The following MYH10 variants were observed in gnomAD, a reference collection of about 807,000 sequenced individuals.
MYH10 encodes myosin-10.
In MYH10, 55 loss-of-function variants were observed where a neutral mutation model predicts 257.8. The ratio of observed to expected loss-of-function variants is 0.21; its 90% CI spans 0.17 to 0.27. The LOEUF is 0.27. Among genes scored for constraint, MYH10 ranks in the 10% least tolerant of loss-of-function variants. MYH10 has a pLI of 1.00. For missense variants in MYH10, 1,631 were observed against 2,500.6 expected, an observed-to-expected ratio of 0.65 and a Z score of 7.42; for synonymous variants, 854 against 921.7, an observed-to-expected ratio of 0.93 and a Z score of 1.33.
At position 8,504,698 on chromosome 17, in the gene MYH10, G is replaced by A. The variant is rs772149998; in HGVS notation, c.3595C>T (p.Leu1199=). 5 of 1,613,884 alleles carry A rather than the reference G, an allele frequency of 3.1e-6. No individual in the cohort carries two copies. In the South Asian group the frequency reaches 4.4e-5, roughly 14 times the overall value. The change falls in exon 28 of 43, where the codon CTA becomes TTA. Residue 1199 remains leucine (L), a synonymous_variant. Coordinates refer to ENST00000360416, the MANE Select transcript of MYH10 (RefSeq NM_001256012.3). This position sits in a 1 kb window ranked among gnomAD's most constrained non-coding sequence, Gnocchi z 5.6. ...TLDTTAAQQE[L]RTKREQEVAE... is the part of the protein sequence containing the mutation. ...TGCTTCCTCTCCCACACTCACCGTA[G>A]TTCCTGCTGGGCTGCCGTGGTGTCC...
chr17:8,563,995 T>G (rs568674610), intron 7 of MYH10, among the ~76,000 whole-genome samples: 1 of 152,282 alleles, frequency 6.6e-6, no homozygotes, highest in Non-Finnish European at 1.5e-5. Flanking sequence ...TGAGGGAAGA[T>G]GTACCTGCTG....
chr17:8,586,522 TAATAA>T (rs1359251328), intron 4 of MYH10, among the ~76,000 whole-genome samples: 4 of 152,102 alleles, frequency 2.6e-5, no homozygotes, highest in Non-Finnish European at 4.4e-5. Flanking sequence ...AAAATATTCA[TAATAA>T]AATGGAAAAA....
At chr17:8,612,278 T>C (rs1419439287) in intron 2 of MYH10, among the ~76,000 whole-genome samples, 1 of 152,174 alleles carries the variant, frequency 6.6e-6, no homozygotes, top group Non-Finnish European at 1.5e-5. Flanking sequence ...AGCCACAAAG[T>C]GCTTCCTTTA....
In MYH10 at chr17:8,605,934, A is replaced by C. The variant is rs1312561111; in HGVS notation, c.346-952T>G. The stretch of plus-strand genomic sequence containing the variant: ...CTAAAGAGATTTGTAAAAATGTAAG[A>C]GTTTTCATCTGTCTAATTTTTTTTT... On this transcript the variant is annotated intron_variant, in intron 2 of 42. Transcript: ENST00000360416. Among the ~76,000 whole-genome samples the C allele has an allele frequency of 3.3e-5, 5 of 152,136 alleles. No individual in the cohort carries two copies. The East Asian group carries it at 9.6e-4, about 29-fold the overall frequency.
intron 31 of MYH10, 69 bp from the exon 32 acceptor site, chr17:8,493,954 A>C (rs548442056): frequency 1.3e-6 from 2 of 1,512,028 alleles, no homozygotes; most frequent in Non-Finnish European, 1.8e-6. Context: ...CCTGTATTAA[A>C]GAATTCATGT....
chr17:8,545,491 G>A lies in MYH10; in HGVS notation c.1388C>T (p.Ser463Phe). The change falls in exon 13 of 43, where the codon TCT becomes TTT. Residue 463 changes from serine to phenylalanine, a missense_variant. Physicochemically the swap from Ser to Phe is radical, Grantham distance 155. Transcript: ENST00000360416. This position sits in a 1 kb window ranked among gnomAD's most constrained non-coding sequence, Gnocchi z 4.7. ...ALDRTKRQGA[S>F]FIGILDIAGF... ...AGCAATATCCAGGATTCCAATGAAA[G>A]ATGCTCCCTGACGTTTGGTCCTATC... 6.2e-7 allele frequency: 1 copy of A among 1,613,996 alleles called. No homozygotes were observed. The highest frequency in any genetic ancestry group is 2.2e-5 in the East Asian group (1 of 44,886).
Position 8,490,354 on chromosome 17 carries a change from G to C in MYH10, c.4870C>G (p.Leu1624Val), listed in dbSNP as rs1209321079. The C allele has an allele frequency of 3.1e-6, 5 of 1,613,682 alleles. No individual in the cohort carries two copies. Among genetic ancestry groups the C allele is most frequent in the Admixed American group, 1.7e-5 (1 of 60,004 alleles). Residue 1624 changes from leucine to valine, a missense_variant, in exon 35 of 43, where the codon CTG becomes GTG. This residue lies in a region of MYH10 where 463 missense variants were observed against 621.8 expected (regional missense o/e 0.74). Coordinates refer to ENST00000360416, the MANE Select transcript of MYH10 (RefSeq NM_001256012.3). This position sits in a 1 kb window ranked among gnomAD's most constrained non-coding sequence, Gnocchi z 4.1. ...CTCTGCCCTACCTGTTTGATCAGCA[G>C]CCGCTTCTTCTCTTCATTCTGCTCA... The part of the protein sequence containing the change: ...RDEQNEEKKR[L>V]LIKQVRELEA...
chr17:8,518,885 C>T lies in MYH10; in HGVS notation c.2339G>A (p.Arg780Gln), dbSNP rs749686669. The T allele has an allele frequency of 3.1e-6, 5 of 1,608,738 alleles. No homozygotes were observed. Among genetic ancestry groups the T allele is most frequent in the Middle Eastern group, 1.7e-4 (1 of 6,042 alleles). Residue 780 changes from arginine to glutamine, a missense_variant, in exon 20 of 43, where the codon CGA becomes CAA. Arg to Gln is a conservative substitution (Grantham distance 43, BLOSUM62 1). Coordinates refer to ENST00000360416, the MANE Select transcript of MYH10 (RefSeq NM_001256012.3). ...AAAAGATCAAGAAAACCTTACCATT[C>T]GTTCACAGGCCTGTTTACCATCCAT... ...GFMDGKQACERMIRALELDPN... is the reference protein window; with the variant it reads ...GFMDGKQACEQMIRALELDPN...
chr17:8,567,066 T>C lies in MYH10; in HGVS notation c.756+2654A>G, dbSNP rs949330602. On this transcript the variant is annotated intron_variant, in intron 7 of 42. Coordinates refer to ENST00000360416, the MANE Select transcript of MYH10 (RefSeq NM_001256012.3). Reference sequence around the variant, plus strand: ...TTCCACAAAGAAGTCCTTGAAGATCTTGATGGAGATTCACATACCAAAGCT... The same window carrying C: ...TTCCACAAAGAAGTCCTTGAAGATCCTGATGGAGATTCACATACCAAAGCT... Among the ~76,000 whole-genome samples the C allele has an allele frequency of 1.2e-4, 18 of 152,212 alleles. 1 individual carries two copies. The highest frequency in any genetic ancestry group is 1.9e-4 in the Non-Finnish European group (13 of 68,040).
chr17:8,491,133 C>T (rs1186340409), intron 34 of MYH10, among the ~76,000 whole-genome samples: 3 of 150,668 alleles, frequency 2.0e-5, no homozygotes, highest in Admixed American at 6.7e-5. Flanking sequence ...TTGACCCTCA[C>T]AGCAGCCTTT....
chr17:8,601,589 A>T (rs967066133), intron 3 of MYH10, among the ~76,000 whole-genome samples: 3 of 152,208 alleles, frequency 2.0e-5, no homozygotes, highest in Non-Finnish European at 4.4e-5. Context: ...CATAAGCACC[A>T]TCTGATTCTT....
intron 4 of MYH10, among the ~76,000 whole-genome samples, chr17:8,587,527 C>T (rs1161166161): frequency 6.6e-6 from 1 of 152,116 alleles, no homozygotes; most frequent in African/African-American, 2.4e-5. Context: ...AGCTCCCCAC[C>T]CCTACTTACC....
intron 2 of MYH10, among the ~76,000 whole-genome samples, chr17:8,611,930 G>A (rs1208765379): frequency 6.6e-6 from 1 of 152,230 alleles, no homozygotes; most frequent in Non-Finnish European, 1.5e-5. Context: ...GCTGAATGCA[G>A]TAGTGCCCCT....
At chr17:8,599,536 T>G (rs1322094782) in intron 3 of MYH10, among the ~76,000 whole-genome samples, 1 of 152,120 alleles carries the variant, frequency 6.6e-6, no homozygotes. Context: ...AAACCACCAA[T>G]CTCTCCTCCC....
intron 24 of MYH10, among the ~76,000 whole-genome samples, chr17:8,511,438 T>C (rs942288893): frequency 2.0e-5 from 3 of 152,110 alleles, no homozygotes; most frequent in African/African-American, 7.2e-5. Flanking sequence ...GGGAATCACT[T>C]GAACCGAGGA....
In MYH10 at chr17:8,551,863, TTAAAA is replaced by T. The variant is rs542206466; in HGVS notation, c.919+178_919+182del. Among the ~76,000 whole-genome samples the T allele has an allele frequency of 4.4e-3, 664 of 152,274 alleles. 5 individuals carry two copies. Among genetic ancestry groups the T allele is most frequent in the African/African-American group, 0.015 (642 of 41,556 alleles). ...TTATATTATCTACAATACCTGCCGC[TTAAAA>T]TAAAGTACTTACCCCATGGCATGGA... On this transcript the variant is annotated intron_variant, in intron 9 of 42. Coordinates refer to ENST00000360416, the MANE Select transcript of MYH10 (RefSeq NM_001256012.3).
chr17:8,619,944 A>C (rs2099733513), intron 2 of MYH10, among the ~76,000 whole-genome samples: 1 of 152,124 alleles, frequency 6.6e-6, no homozygotes, highest in African/African-American at 2.4e-5. Context: ...AAAATCAAAA[A>C]CAGGCAAAAC....
At chr17:8,507,266 C>G (rs1458038193) in intron 26 of MYH10, among the ~76,000 whole-genome samples, 2 of 152,182 alleles carry the variant, frequency 1.3e-5, no homozygotes, top group Admixed American at 6.5e-5. Flanking sequence ...AACAAACAAA[C>G]AAATAAAACC....
At chr17:8,572,908 A>G (rs2083394254) in intron 6 of MYH10, among the ~76,000 whole-genome samples, 1 of 152,224 alleles carries the variant, frequency 6.6e-6, no homozygotes, top group African/African-American at 2.4e-5. Context: ...CAATTTCATA[A>G]TTAGATAAAT....
Sources: gnomAD v4.1 joint callset for allele counts (sites outside exome capture counted in the v4.1 genomes callset) on GRCh38, gnomAD v4.1.1 for gene constraint, gnomAD v4.1.1 regional missense constraint, Gnocchi (gnomAD v3.1) non-coding constraint, MANE v1.5 for transcripts, NCBI Gene and HGNC (gene_info 2026-07-23, HGNC 2026-07-21) for gene names.